The following ARPC5 variants were observed in gnomAD, a reference collection of about 807,000 sequenced individuals.
The protein encoded by ARPC5 is actin-related protein 2/3 complex subunit 5.
In ARPC5, 5 loss-of-function variants were observed where a neutral mutation model predicts 15.4. The ratio of observed to expected loss-of-function variants is 0.32; its 90% CI spans 0.17 to 0.68. ARPC5 has a LOEUF of 0.68. Ranked by LOEUF, ARPC5 falls within the 30% of genes least tolerant of loss-of-function variation. The pLI is 0.71. For synonymous variants in ARPC5, 85 were observed against 72.2 expected (o/e 1.18, Z -0.90); for missense variants, 138 against 192.8 (o/e 0.72, Z 1.68).
chr1:183,625,029 A>G lies in ARPC5; in HGVS notation c.*2503T>C, dbSNP rs569319550. 6 of 152,234 alleles carry G rather than the reference A, an allele frequency of 3.9e-5. No homozygotes were observed. The highest frequency in any genetic ancestry group is 5.9e-5 in the Non-Finnish European group (4 of 68,038). 9.4% of individuals were successfully genotyped at this position (152,234 alleles called of 1,614,324 possible). A position where few individuals can be genotyped will look rare whatever the true frequency, so the allele number is the denominator to read the frequency against. The stretch of plus-strand genomic sequence containing the variant: ...GTTACCGAAATGGTGCTGTTACCCA[A>G]TGACCAAGAAGGGGTATGTTTTCCA... On this transcript the variant is annotated 3_prime_UTR_variant, in exon 4 of 4. Transcript: ENST00000359856.
At chr1:183,633,020 C>A in intron 2 of ARPC5, 62 bp downstream of exon 2, 1 of 1,263,420 alleles carries the variant, frequency 7.9e-7, no homozygotes, top group East Asian at 2.6e-5. Context: ...TTTGCAACTG[C>A]AGAGGATTTT....
In ARPC5 at chr1:183,623,651, T is replaced by A. The variant is rs1649001327; in HGVS notation, c.*3881A>T. On this transcript the variant is annotated 3_prime_UTR_variant, in exon 4 of 4. Transcript: ENST00000359856. ...TTCCTTAATTGGGTGTGTTTTTCAA[T>A]TATTTTGGTGCTTTTAACATATTTT... 3 of 731,012 alleles carry A rather than the reference T, an allele frequency of 4.1e-6. No homozygotes were observed. The South Asian group carries it at 5.7e-5, about 14-fold the overall frequency. The allele number at this position is 731,012 out of a possible 1,614,324, so 45.3% of individuals were successfully genotyped here.
Position 183,624,353 on chromosome 1 carries a change from T to C in ARPC5, c.*3179A>G, listed in dbSNP as rs1451549146. ...AATGAAACCCCGTCTCTACTAAAAA[T>C]ACAAAAAATTAGCCGGGCGTGGTGG... is the stretch of plus-strand genomic sequence containing the variant. On this transcript the variant is annotated 3_prime_UTR_variant, in exon 4 of 4. Transcript: ENST00000359856. 6.6e-6 allele frequency: 1 copy of C among 151,750 alleles called. No individual in the cohort carries two copies. The highest frequency in any genetic ancestry group is 1.5e-5 in the Non-Finnish European group (1 of 67,948). 9.4% of individuals were successfully genotyped at this position (151,750 alleles called of 1,614,324 possible). A position where few individuals can be genotyped will look rare whatever the true frequency, so the allele number is the denominator to read the frequency against.
In ARPC5 at chr1:183,633,115, GT is replaced by G; in HGVS notation, c.182del (p.Asn61ThrfsTer11). The G allele has an allele frequency of 1.2e-6, 2 of 1,604,172 alleles. No homozygotes were observed. Among genetic ancestry groups the G allele is most frequent in the Non-Finnish European group, 1.7e-6 (2 of 1,176,092 alleles). On this transcript the variant is annotated frameshift_variant, in exon 2 of 4. Transcript: ENST00000359856. LOFTEE classifies it high-confidence loss of function. ...MTAALQAALK[N>X]PPINTKSQAV... ...CCTGACTCTTGGTGTTGATAGGGGGGTTCTTCAGAGCTGCCTGTAGGGCAGC... is the reference window on the plus strand; with the variant it reads ...CCTGACTCTTGGTGTTGATAGGGGGGTCTTCAGAGCTGCCTGTAGGGCAGC...
Position 183,635,744 on chromosome 1 carries a change from CTG to C in ARPC5, c.-87_-86del. 1 of 1,530,752 alleles carries C rather than the reference CTG, an allele frequency of 6.5e-7. No homozygotes were observed. Among genetic ancestry groups the C allele is most frequent in the Non-Finnish European group, 8.8e-7 (1 of 1,133,628 alleles). 94.8% of individuals were successfully genotyped at this position (1,530,752 alleles called of 1,614,324 possible). On this transcript the variant is annotated 5_prime_UTR_variant, in exon 1 of 4. In the 5' UTR this introduces an upstream ATG that the reference lacks. Coordinates refer to ENST00000359856, the MANE Select transcript of ARPC5 (RefSeq NM_005717.4). ...AGCCCAGCAACCCACTACCCGGCGCCTGATTCACTTCCCTCTTCCGCTCTGAG... is the reference window on the plus strand; with the variant it reads ...AGCCCAGCAACCCACTACCCGGCGCCATTCACTTCCCTCTTCCGCTCTGAG...
At position 183,624,022 on chromosome 1, in the gene ARPC5, CA is replaced by C. The variant is rs56772636; in HGVS notation, c.*3509del. The C allele has an allele frequency of 0.45, 67,348 of 148,102 alleles. 15,272 individuals carry two copies. The highest frequency in any genetic ancestry group is 0.53 in the African/African-American group (21,430 of 40,370). The allele number at this position is 148,102 out of a possible 1,614,324, so 9.2% of individuals were successfully genotyped here. ...TGAGCAACAGAGCAAGACTCCATCT[CA>C]AAAAAAAAAAATTAATTAATTAATT... On this transcript the variant is annotated 3_prime_UTR_variant, in exon 4 of 4. Coordinates refer to ENST00000359856, the MANE Select transcript of ARPC5 (RefSeq NM_005717.4).
chr1:183,633,062 T>C lies in ARPC5; in HGVS notation c.216+20A>G. ...AATAAGATATCAGCAGAGATCACTGTGTTGTAGTCTGCGACTCACCTTCAC... is the reference window on the plus strand; with the variant it reads ...AATAAGATATCAGCAGAGATCACTGCGTTGTAGTCTGCGACTCACCTTCAC... On this transcript the variant is annotated intron_variant, in intron 2 of 3. Transcript: ENST00000359856. The C allele has an allele frequency of 6.4e-7, 1 of 1,566,636 alleles. No individual in the cohort carries two copies. The highest frequency in any genetic ancestry group is 2.3e-5 in the East Asian group (1 of 43,562).
At chr1:183,630,712 C>A in intron 2 of ARPC5, 75 bp from the exon 3 acceptor site, 1 of 1,386,796 alleles carries the variant, frequency 7.2e-7, no homozygotes, top group South Asian at 1.4e-5. Context: ...AAAGTCTACA[C>A]TATGAATGTG....
At position 183,625,243 on chromosome 1, in the gene ARPC5, A is replaced by G. The variant is rs1649064341; in HGVS notation, c.*2289T>C. 1 of 152,204 alleles carries G rather than the reference A, an allele frequency of 6.6e-6. No individual in the cohort carries two copies. The highest frequency in any genetic ancestry group is 6.5e-5 in the Admixed American group (1 of 15,284). 9.4% of individuals were successfully genotyped at this position (152,204 alleles called of 1,614,324 possible). A position where few individuals can be genotyped will look rare whatever the true frequency, so the allele number is the denominator to read the frequency against. The stretch of plus-strand genomic sequence containing the variant: ...GATAGTACTGTGTCATGGTTACTAT[A>G]CCCTGGGCTGACATTTAGTCAGGAG... On this transcript the variant is annotated 3_prime_UTR_variant, in exon 4 of 4. Transcript: ENST00000359856.
intron 3 of ARPC5, 93 bp downstream of exon 3, chr1:183,630,368 C>G: frequency 9.4e-7 from 1 of 1,059,754 alleles, no homozygotes; most frequent in South Asian, 2.0e-5. Flanking sequence ...AAATGTACAA[C>G]AAATCAAAAT....
At chr1:183,633,057 C>A in intron 2 of ARPC5, 25 bp downstream of exon 2, 2 of 1,537,030 alleles carry the variant, frequency 1.3e-6, no homozygotes, top group South Asian at 1.2e-5. Context: ...CAGCAGAGAT[C>A]ACTGTGTTGT....
intron 1 of ARPC5, 193 bp from the exon 2 acceptor site, chr1:183,633,347 CT>C (rs142126938): frequency 9.2e-5 from 40 of 432,832 alleles, no homozygotes; most frequent in Non-Finnish European, 1.3e-4. Context: ...GAACATTAGA[CT>C]TTTTTTTAAT....
Position 183,630,454 on chromosome 1 carries a change from A to T in ARPC5, c.393+7T>A. 1 of 1,594,984 alleles carries T rather than the reference A, an allele frequency of 6.3e-7. No homozygotes were observed. The highest frequency in any genetic ancestry group is 8.5e-7 in the Non-Finnish European group (1 of 1,169,920). ...CCAGTCATATAGATTTATAATTCAT[A>T]ACTTACCTTTTCATGCCATTGCAGT... On this transcript the variant is annotated splice_region_variant and intron_variant, in intron 3 of 3. Transcript: ENST00000359856.
chr1:183,635,518 G>T lies in ARPC5; in HGVS notation c.142C>A (p.Gln48Lys). Residue 48 changes from glutamine to lysine, a missense_variant and splice_region_variant, in exon 1 of 4, where the codon CAA (glutamine) becomes AAA (lysine). Coordinates refer to ENST00000359856, the MANE Select transcript of ARPC5 (RefSeq NM_005717.4). The part of the protein sequence containing the change: ...DEGEVDSCLR[Q>K]GNMTAALQAA... ...GGAGGGCGGTGAATGCAAGGATATT[G>T]CCGCAGGCAGGAGTCCACCTCGCCC... 6.2e-7 allele frequency: 1 copy of T among 1,610,730 alleles called. No homozygotes were observed. Among genetic ancestry groups the T allele is most frequent in the Non-Finnish European group, 8.5e-7 (1 of 1,178,830 alleles).
intron 2 of ARPC5, chr1:183,631,751 G>A (rs1649274502): frequency 6.6e-6 from 1 of 152,170 alleles, no homozygotes; most frequent in Non-Finnish European, 1.5e-5. Context: ...TGAATTGACT[G>A]TAGATATGAA....
At chr1:183,633,262 C>A (rs940671044) in intron 1 of ARPC5, 108 bp from the exon 2 acceptor site, 4 of 746,300 alleles carry the variant, frequency 5.4e-6, no homozygotes, top group Non-Finnish European at 8.6e-6. Flanking sequence ...ACTTTGGTCA[C>A]TATGTTCAAT....
rs764756491 is a variant in ARPC5 at position 183,630,572 on chromosome 1, T to A, written c.282A>T (p.Ala94=). Residue 94 remains alanine (A), a synonymous_variant, in exon 3 of 4, where the codon GCA becomes GCT. Transcript: ENST00000359856. ...CACCATTCTTGTCCAGAGATTGAAC[T>A]GCCTTTTCTATATCATTAGCTTTAA... ...ISFKANDIEK[A]VQSLDKNGVD... 1.2e-6 allele frequency: 2 copies of A among 1,614,212 alleles called. No individual in the cohort carries two copies. The highest frequency in any genetic ancestry group is 4.5e-5 in the East Asian group (2 of 44,886).
chr1:183,627,605 A>T lies in ARPC5; in HGVS notation c.394-11T>A. 6.2e-7 allele frequency: 1 copy of T among 1,608,540 alleles called. No homozygotes were observed. The highest frequency in any genetic ancestry group is 8.5e-7 in the Non-Finnish European group (1 of 1,174,932). On this transcript the variant is annotated splice_polypyrimidine_tract_variant and intron_variant, in intron 3 of 3. Coordinates refer to ENST00000359856, the MANE Select transcript of ARPC5 (RefSeq NM_005717.4). ...TCCAGCAGCAAGTGCCTAAAAACAA[A>T]CCAAGATGTAAATGTTGACAGAATA...
Position 183,627,319 on chromosome 1 carries a change from A to T in ARPC5, c.*213T>A, listed in dbSNP as rs1649131993. On this transcript the variant is annotated 3_prime_UTR_variant, in exon 4 of 4. Transcript: ENST00000359856. The stretch of plus-strand genomic sequence containing the variant: ...ACTGAAATGGTTTTGAAAGGATGAA[A>T]CACTTCTATTTTAACACAATTTCTT... 1.7e-6 allele frequency: 1 copy of T among 590,912 alleles called. No individual in the cohort carries two copies. Among genetic ancestry groups the T allele is most frequent in the Admixed American group, 3.1e-5 (1 of 32,514 alleles). 36.6% of individuals were successfully genotyped at this position (590,912 alleles called of 1,614,324 possible).
Sources: gnomAD v4.1 joint callset for allele counts on GRCh38, gnomAD v4.1.1 for gene constraint, MANE v1.5 for transcripts, NCBI Gene and HGNC (gene_info 2026-07-23, HGNC 2026-07-21) for gene names.